Variants in SPIDR observed in about 807,000 individuals in gnomAD.
SPIDR encodes DNA repair-scaffolding protein.
In SPIDR, 93 loss-of-function variants were observed where a neutral mutation model predicts 104.6. That is an observed-to-expected ratio of 0.89 (90% confidence interval 0.75 to 1.06). The LOEUF is 1.06. Among genes scored for constraint, SPIDR ranks in the 50% least tolerant of loss-of-function variants. SPIDR has a pLI of 0.00. For missense variants in SPIDR, 1,154 were observed against 1,111.2 expected, an observed-to-expected ratio of 1.04 and a Z score of -0.55; for synonymous variants, 431 against 416.9, an observed-to-expected ratio of 1.03 and a Z score of -0.41.
chr8:47,405,787 A>AT lies in SPIDR; in HGVS notation c.777-2066dup, dbSNP rs531558796. 2.4e-4 allele frequency among the ~76,000 whole-genome samples: 36 copies of AT among 152,164 alleles called. No individual in the cohort carries two copies. The South Asian group carries it at 6.7e-3, about 28-fold the overall frequency. ...CTTCCTGAACTTTTGGTATGACTTA[A>AT]TTTTTTTTAACATGAGATATGTTTT... is the stretch of plus-strand genomic sequence containing the variant. On this transcript the variant is annotated intron_variant, in intron 6 of 19. Coordinates refer to ENST00000297423, the MANE Select transcript of SPIDR (RefSeq NM_001080394.4).
chr8:47,335,330 C>T (rs1554608045), intron 5 of SPIDR, among the ~76,000 whole-genome samples: 1 of 152,124 alleles, frequency 6.6e-6, no homozygotes, highest in Non-Finnish European at 1.5e-5. Context: ...AATTTTTGTT[C>T]ATCTGACAAG....
At chr8:47,501,326 T>A (rs2080394856) in intron 8 of SPIDR, among the ~76,000 whole-genome samples, 1 of 152,198 alleles carries the variant, frequency 6.6e-6, no homozygotes, top group Admixed American at 6.5e-5. Flanking sequence ...CATTGAGCAG[T>A]GGTTTGTAGT....
chr8:47,361,293 T>A (rs1587686258), intron 5 of SPIDR, among the ~76,000 whole-genome samples: 1 of 152,208 alleles, frequency 6.6e-6, no homozygotes, highest in African/African-American at 2.4e-5. Context: ...AAGAATTCAG[T>A]TGAGCCTTCC....
At chr8:47,729,137 G>A (rs1195528047) in intron 18 of SPIDR, 90 bp downstream of exon 18, 1 of 1,555,754 alleles carries the variant, frequency 6.4e-7, no homozygotes, top group Non-Finnish European at 8.7e-7. Context: ...ACGTCCTCCT[G>A]TACGCCTGCA....
chr8:47,502,481 G>T (rs1441338959), intron 8 of SPIDR, among the ~76,000 whole-genome samples: 1 of 152,172 alleles, frequency 6.6e-6, no homozygotes, highest in African/African-American at 2.4e-5. Context: ...GGGATCGGTG[G>T]TGATACCTCC....
In SPIDR at chr8:47,547,244, C is replaced by G. The variant is rs1006793172; in HGVS notation, c.1098-48567C>G. The G allele has an allele frequency of 2.1e-5, 13 of 619,770 alleles. No individual in the cohort carries two copies. In the Admixed American group the frequency reaches 2.3e-4, roughly 11 times the overall value. The allele number at this position is 619,770 out of a possible 1,614,324, so 38.4% of individuals were successfully genotyped here. A position where few individuals can be genotyped will look rare whatever the true frequency, so the allele number is the denominator to read the frequency against. ...TTGCACAACTTGTACTTGGGCTCCTCAGGTGTAACACGATGTACAGCAAAG... is the reference window on the plus strand; with the variant it reads ...TTGCACAACTTGTACTTGGGCTCCTGAGGTGTAACACGATGTACAGCAAAG... On this transcript the variant is annotated intron_variant, in intron 8 of 19. Transcript: ENST00000297423.
intron 14 of SPIDR, among the ~76,000 whole-genome samples, chr8:47,708,787 C>T (rs555069950): frequency 9.2e-5 from 14 of 152,216 alleles, no homozygotes; most frequent in South Asian, 2.1e-4. Context: ...GCCTTTCAGA[C>T]GGACTTCTTT....
chr8:47,306,437 G>A (rs1035472640), intron 5 of SPIDR, among the ~76,000 whole-genome samples: 7 of 152,090 alleles, frequency 4.6e-5, no homozygotes, highest in East Asian at 1.9e-4. Flanking sequence ...CACCGAGCCC[G>A]GCTAGAATTT....
At chr8:47,688,111 GT>G (rs2078079480) in intron 11 of SPIDR, among the ~76,000 whole-genome samples, 1 of 151,374 alleles carries the variant, frequency 6.6e-6, no homozygotes, top group East Asian at 1.9e-4. Context: ...CATTCTTTGT[GT>G]TTTGCTTTTT....
intron 5 of SPIDR, among the ~76,000 whole-genome samples, chr8:47,319,179 T>C (rs2046005002): frequency 1.3e-5 from 2 of 152,158 alleles, no homozygotes; most frequent in Admixed American, 6.5e-5. Context: ...GACCCATCAG[T>C]GTGCGGTATT....
intron 8 of SPIDR, among the ~76,000 whole-genome samples, chr8:47,575,388 A>G (rs2058958216): frequency 6.6e-6 from 1 of 152,188 alleles, no homozygotes; most frequent in Admixed American, 6.5e-5. Flanking sequence ...TCACGCCTGT[A>G]ATCCCAGCAC....
chr8:47,440,095 G>C (rs983045455), intron 7 of SPIDR, among the ~76,000 whole-genome samples: 2 of 152,148 alleles, frequency 1.3e-5, no homozygotes, highest in Non-Finnish European at 2.9e-5. Context: ...ATTTTATGCT[G>C]CTTAAAATCC....
At chr8:47,699,109 T>C (rs1429319282) in intron 11 of SPIDR, among the ~76,000 whole-genome samples, 1 of 152,210 alleles carries the variant, frequency 6.6e-6, no homozygotes, top group African/African-American at 2.4e-5. Context: ...AGGATTAAAA[T>C]CCTGTCTTCA....
At chr8:47,359,935 T>A (rs1025810488) in intron 5 of SPIDR, among the ~76,000 whole-genome samples, 1 of 152,070 alleles carries the variant, frequency 6.6e-6, no homozygotes, top group Non-Finnish European at 1.5e-5. Context: ...AATTTATCAC[T>A]CTCTCTCATT....
chr8:47,275,506 A>G (rs1436970290), intron 1 of SPIDR, among the ~76,000 whole-genome samples: 3 of 152,178 alleles, frequency 2.0e-5, no homozygotes, highest in African/African-American at 7.2e-5. Context: ...AAAGCAGATT[A>G]TGTATTCTTA....
intron 8 of SPIDR, among the ~76,000 whole-genome samples, chr8:47,457,581 C>CA (rs781923721): frequency 1.3e-5 from 2 of 152,100 alleles, no homozygotes; most frequent in Non-Finnish European, 2.9e-5. Context: ...TTTTGCCATG[C>CA]AAAAGCTCTT....
chr8:47,624,336 C>T (rs2065657097), intron 10 of SPIDR, among the ~76,000 whole-genome samples: 1 of 152,022 alleles, frequency 6.6e-6, no homozygotes, highest in Non-Finnish European at 1.5e-5. Context: ...ACTAGAAAAG[C>T]AAGAGCAAAC....
intron 3 of SPIDR, among the ~76,000 whole-genome samples, chr8:47,286,196 A>C (rs2038813277): frequency 6.6e-6 from 1 of 152,188 alleles, no homozygotes; most frequent in Non-Finnish European, 1.5e-5. Flanking sequence ...GGTGAAAGCA[A>C]CTGCAGGTCT....
intron 8 of SPIDR, among the ~76,000 whole-genome samples, chr8:47,489,767 A>G (rs1256788682): frequency 6.6e-6 from 1 of 152,250 alleles, no homozygotes; most frequent in African/African-American, 2.4e-5. Flanking sequence ...TTCCCTATTT[A>G]ATAAATGGTG....
Sources: allele counts gnomAD v4.1 joint callset (sites outside exome capture counted in the v4.1 genomes callset), GRCh38; gene constraint gnomAD v4.1.1; transcripts MANE v1.5; gene names NCBI Gene and HGNC (gene_info 2026-07-23, HGNC 2026-07-21).